Variants in STIL observed in about 807,000 individuals in gnomAD.
The protein encoded by STIL is SCL-interrupting locus protein.
STIL carries 55 observed loss-of-function variants against 110.1 expected under a neutral mutation model. The ratio of observed to expected loss-of-function variants is 0.50; its 90% CI spans 0.40 to 0.63. STIL has a LOEUF of 0.63. Ranked by LOEUF, STIL falls within the 20% of genes least tolerant of loss-of-function variation. The pLI, the probability that STIL is intolerant of heterozygous loss-of-function variation, is 0.00. For missense variants in STIL, 1,358 were observed against 1,530.0 expected, an observed-to-expected ratio of 0.89 and a Z score of 1.87; for synonymous variants, 481 against 530.0, an observed-to-expected ratio of 0.91 and a Z score of 1.27.
intron 14 of STIL, among the ~76,000 whole-genome samples, chr1:47,265,608 C>T (rs1403417952): frequency 1.3e-5 from 2 of 151,798 alleles, no homozygotes; most frequent in Non-Finnish European, 2.9e-5. Context: ...TGGAGAAACC[C>T]CGTCTCTACT....
chr1:47,284,724 T>C (rs994269675), intron 10 of STIL, among the ~76,000 whole-genome samples: 5 of 152,028 alleles, frequency 3.3e-5, no homozygotes, highest in African/African-American at 7.2e-5. Context: ...ACCCCATCTC[T>C]ACTAAAAATA....
chr1:47,312,452 C>CA (rs1008201063), intron 1 of STIL, among the ~76,000 whole-genome samples: 1,483 of 132,862 alleles, frequency 0.011, 7 homozygotes, highest in East Asian at 0.031. Context: ...GACTCCGTCT[C>CA]AAAAAAAAAA....
chr1:47,307,422 C>A (rs980901518), intron 2 of STIL, among the ~76,000 whole-genome samples: 1 of 152,132 alleles, frequency 6.6e-6, no homozygotes, highest in Admixed American at 6.6e-5. Context: ...CAAATTAATA[C>A]TTTTGTAATT....
Position 47,299,968 on chromosome 1 carries a change from G to A in STIL, c.638C>T (p.Ala213Val), listed in dbSNP as rs375007867. The change falls in exon 6 of 17, where the codon GCT (alanine) becomes GTT (valine). Residue 213 changes from alanine to valine, a missense_variant. Transcript: ENST00000371877. ...ATTACTGCTCAAGTTTCTTGCCAGA[G>A]CTGTTGGAATAATGGGGATGGGCTT... Reference protein sequence around the residue: ...PVKPIPIIPTALARNLSSNLN... With the variant: ...PVKPIPIIPTVLARNLSSNLN... 33 of 1,613,972 alleles carry A rather than the reference G, an allele frequency of 2.0e-5. No individual in the cohort carries two copies. Among genetic ancestry groups the A allele is most frequent in the Non-Finnish European group, 2.4e-5 (28 of 1,179,990 alleles).
intron 7 of STIL, among the ~76,000 whole-genome samples, chr1:47,295,457 G>A (rs1269447339): frequency 6.6e-6 from 1 of 152,126 alleles, no homozygotes; most frequent in East Asian, 1.9e-4. Context: ...ATGCACGCCT[G>A]TAATCCCAGC....
chr1:47,289,387 G>C (rs1465242841), intron 9 of STIL, 48 bp downstream of exon 9: 1 of 1,570,364 alleles, frequency 6.4e-7, no homozygotes. Flanking sequence ...CTGCCAAAGT[G>C]CAAAACCCTA....
chr1:47,265,254 A>AAAAAAAAAAAAAAAAAAAAAAAG (rs1644612064), intron 14 of STIL, among the ~76,000 whole-genome samples: 1 of 150,816 alleles, frequency 6.6e-6, no homozygotes, highest in Non-Finnish European at 1.5e-5. Context: ...AAAAAAAAAA[A>AAAAAAAAAAAAAAAAAAAAAAAG]AAAAAACACA....
At chr1:47,261,907 C>CAAAA (rs200699660) in intron 15 of STIL, among the ~76,000 whole-genome samples, 1 of 82,056 alleles carries the variant, frequency 1.2e-5, no homozygotes, top group Non-Finnish European at 2.5e-5. Flanking sequence ...GACTCTGTCT[C>CAAAA]AAAAAAAAAA....
intron 1 of STIL, among the ~76,000 whole-genome samples, chr1:47,312,221 T>C (rs1455849762): frequency 6.7e-6 from 1 of 150,004 alleles, no homozygotes; most frequent in Non-Finnish European, 1.5e-5. Context: ...CCGGACACGG[T>C]AGCTCACGCC....
intron 8 of STIL, 57 bp from the exon 9 acceptor site, chr1:47,289,642 A>C: frequency 6.8e-7 from 1 of 1,478,716 alleles, no homozygotes; most frequent in Non-Finnish European, 9.4e-7. Flanking sequence ...ATGACACTCA[A>C]ATAACTTCAT....
In STIL at chr1:47,289,483, G is replaced by T; in HGVS notation, c.975C>A (p.Asp325Glu). ...TACTGGTTAGCAACTGAAACCGAAA[G>T]TCAGGTATCTTGCCATCACAAGGGA... ...ECFPCDGKIP[D>E]FRFQLLTSKE... Residue 325 changes from aspartate (D) to glutamate (E), a missense_variant, in exon 9 of 17, where the codon GAC (aspartate) becomes GAA (glutamate). Coordinates refer to ENST00000371877, the MANE Select transcript of STIL (RefSeq NM_001048166.1). The T allele has an allele frequency of 6.2e-7, 1 of 1,613,898 alleles. No individual in the cohort carries two copies. Among genetic ancestry groups the T allele is most frequent in the Admixed American group, 1.7e-5 (1 of 60,012 alleles).
chr1:47,310,654 G>A (rs373958219), intron 1 of STIL, among the ~76,000 whole-genome samples: 76 of 152,056 alleles, frequency 5.0e-4, no homozygotes, highest in African/African-American at 1.7e-3. Flanking sequence ...TAGTGAGCTC[G>A]GTAAGGCAGG....
chr1:47,257,944 A>AT (rs1644371642), intron 16 of STIL, among the ~76,000 whole-genome samples: 1 of 152,246 alleles, frequency 6.6e-6, no homozygotes, highest in Non-Finnish European at 1.5e-5. Context: ...GCACACATGT[A>AT]TATGTGTAGC....
At position 47,264,201 on chromosome 1, in the gene STIL, A is replaced by G. The variant is rs72684382; in HGVS notation, c.2616-1085T>C. 2.8e-3 allele frequency among the ~76,000 whole-genome samples: 420 copies of G among 152,374 alleles called. 1 individual carries two copies. Among genetic ancestry groups the G allele is most frequent in the Non-Finnish European group, 4.0e-3 (272 of 68,034 alleles). On this transcript the variant is annotated intron_variant, in intron 14 of 16. Transcript: ENST00000371877. ...ATAGCTCCTTTCACCACGTGAGGAC[A>G]CAAGGAAGAGGCATCAACTATGAAC...
chr1:47,289,404 C>T (rs1403302217), intron 9 of STIL, 31 bp downstream of exon 9: 1 of 1,606,248 alleles, frequency 6.2e-7, no homozygotes, highest in African/African-American at 1.3e-5. Context: ...CCTAAACAGT[C>T]ACTAATGTAC....
At chr1:47,287,877 T>C (rs1174269767) in intron 9 of STIL, among the ~76,000 whole-genome samples, 3 of 151,936 alleles carry the variant, frequency 2.0e-5, no homozygotes, top group Admixed American at 2.0e-4. Context: ...AACTATGAAA[T>C]GAGAATACCA....
chr1:47,287,993 A>G (rs939914917), intron 9 of STIL, among the ~76,000 whole-genome samples: 3 of 148,798 alleles, frequency 2.0e-5, no homozygotes, highest in Admixed American at 6.7e-5. Context: ...TAACCTATAA[A>G]ATATAAAATG....
At chr1:47,301,140 G>A (rs1645792070) in intron 5 of STIL, among the ~76,000 whole-genome samples, 1 of 152,116 alleles carries the variant, frequency 6.6e-6, no homozygotes, top group African/African-American at 2.4e-5. Flanking sequence ...CAAGGCTGGA[G>A]TGCAGTGGTG....
intron 8 of STIL, among the ~76,000 whole-genome samples, chr1:47,291,628 C>T (rs981622178): frequency 3.9e-5 from 6 of 151,960 alleles, no homozygotes; most frequent in South Asian, 4.2e-4. Flanking sequence ...TGTAGTGGTG[C>T]GATCTCAGCT....
Sources: gnomAD v4.1 joint callset for allele counts (sites outside exome capture counted in the v4.1 genomes callset) on GRCh38, gnomAD v4.1.1 for gene constraint, MANE v1.5 for transcripts, NCBI Gene and HGNC (gene_info 2026-07-23, HGNC 2026-07-21) for gene names.